TMEM120B: variants seen among roughly 807,000 people sequenced by gnomAD.
The protein encoded by TMEM120B is transmembrane protein 120B.
In TMEM120B, 31 loss-of-function variants were observed where a neutral mutation model predicts 55.5. The ratio of observed to expected loss-of-function variants is 0.56; its 90% CI spans 0.42 to 0.75. TMEM120B has a LOEUF of 0.75. Among genes scored for constraint, TMEM120B ranks in the 30% least tolerant of loss-of-function variants. The pLI, the probability that TMEM120B is intolerant of heterozygous loss-of-function variation, is 0.00. For synonymous variants in TMEM120B, 203 were observed against 176.3 expected, an observed-to-expected ratio of 1.15 and a Z score of -1.20; for missense variants, 399 against 425.5, an observed-to-expected ratio of 0.94 and a Z score of 0.55.
At chr12:121,768,692 G>C (rs1237161442) in intron 6 of TMEM120B, among the ~76,000 whole-genome samples, 1 of 152,212 alleles carries the variant, frequency 6.6e-6, no homozygotes, top group Admixed American at 6.5e-5. Context: ...GCTGCCATGT[G>C]TTTGGACTAG....
chr12:121,766,446 C>T (rs1043719946), intron 6 of TMEM120B, among the ~76,000 whole-genome samples: 3 of 152,176 alleles, frequency 2.0e-5, no homozygotes, highest in African/African-American at 7.2e-5. Context: ...GGCTCCAGCT[C>T]CCTGTTCTGT....
Position 121,781,305 on chromosome 12 carries a change from A to G in TMEM120B, c.*5583A>G, listed in dbSNP as rs1172587898. On this transcript the variant is annotated 3_prime_UTR_variant, in exon 12 of 12. Coordinates refer to ENST00000449592, the MANE Select transcript of TMEM120B (RefSeq NM_001080825.2). The stretch of plus-strand genomic sequence containing the variant: ...CCTGCCTTAGGGCCTCAATTTCCTC[A>G]TCTATACAATGGGCAGCAAGCCAGG... The G allele has an allele frequency of 1.2e-6, 1 of 868,526 alleles. No individual in the cohort carries two copies. Among genetic ancestry groups the G allele is most frequent in the South Asian group, 1.6e-5 (1 of 61,596 alleles). The allele number at this position is 868,526 out of a possible 1,614,324, so 53.8% of individuals were successfully genotyped here.
chr12:121,781,238 CTG>C lies in TMEM120B; in HGVS notation c.*5517_*5518del, dbSNP rs1308167442. On this transcript the variant is annotated 3_prime_UTR_variant, in exon 12 of 12. Transcript: ENST00000449592. Reference sequence around the variant, plus strand: ...GGGTCAGGGGACGTCCCCTCCCTGTCTGGACTCTGACGGGTGAAGGGGAAGGG... The same window carrying C: ...GGGTCAGGGGACGTCCCCTCCCTGTCGACTCTGACGGGTGAAGGGGAAGGG... 3.2e-6 allele frequency: 5 copies of C among 1,562,366 alleles called. No homozygotes were observed. The highest frequency in any genetic ancestry group is 4.4e-6 in the Non-Finnish European group (5 of 1,135,190).
chr12:121,738,409 C>G (rs191587395), intron 1 of TMEM120B, among the ~76,000 whole-genome samples: 2 of 152,258 alleles, frequency 1.3e-5, no homozygotes, highest in Non-Finnish European at 2.9e-5. Context: ...CTGGTCTTAT[C>G]TCTCCATGGC....
At chr12:121,771,650 G>C (rs1443395679) in intron 8 of TMEM120B, 101 bp downstream of exon 8, 1 of 1,243,582 alleles carries the variant, frequency 8.0e-7, no homozygotes, top group Non-Finnish European at 1.2e-6. Context: ...TGCCTGTGTG[G>C]CAGGGAGACC....
chr12:121,717,738 A>G (rs911924603), intron 1 of TMEM120B, among the ~76,000 whole-genome samples: 2 of 151,920 alleles, frequency 1.3e-5, no homozygotes, highest in African/African-American at 4.8e-5. Context: ...GCTCACCACA[A>G]CCTCCGCCTT....
intron 6 of TMEM120B, among the ~76,000 whole-genome samples, chr12:121,764,695 A>G (rs1307364588): frequency 6.6e-6 from 1 of 152,100 alleles, no homozygotes; most frequent in Non-Finnish European, 1.5e-5. Flanking sequence ...GCCTCTAGCA[A>G]TCATTAACAC....
Position 121,743,634 on chromosome 12 carries a change from G to A in TMEM120B, c.75G>A (p.Thr25=), listed in dbSNP as rs756652993. 3.0e-5 allele frequency: 49 copies of A among 1,612,936 alleles called. No individual in the cohort carries two copies. The highest frequency in any genetic ancestry group is 2.7e-4 in the Admixed American group (16 of 59,912). ...CCGGGTCCCCTGTTCTTCAGGAGAC[G>A]CACAGGATCTACAAGCAGAAGCTGG... ...LEGEFQELQE[T]HRIYKQKLEE... The change falls in exon 2 of 12, where the codon ACG becomes ACA. Residue 25 remains threonine (T), a synonymous_variant. Transcript: ENST00000449592.
intron 1 of TMEM120B, among the ~76,000 whole-genome samples, chr12:121,742,184 G>T (rs1380891615): frequency 1.3e-5 from 2 of 151,652 alleles, no homozygotes; most frequent in African/African-American, 4.8e-5. Context: ...TGTATTTTTA[G>T]TAGAGACAGG....
chr12:121,758,863 G>A lies in TMEM120B; in HGVS notation c.462-2786G>A, dbSNP rs549258159. On this transcript the variant is annotated intron_variant, in intron 5 of 11. Coordinates refer to ENST00000449592, the MANE Select transcript of TMEM120B (RefSeq NM_001080825.2). ...CGTTGTGGTCACCATAGAGGAGGACGGCCCAGCCCCGTGCTGTGGTCACCA... is the reference window on the plus strand; with the variant it reads ...CGTTGTGGTCACCATAGAGGAGGACAGCCCAGCCCCGTGCTGTGGTCACCA... 25 of 977,932 alleles carry A rather than the reference G, an allele frequency of 2.6e-5. No homozygotes were observed. The South Asian group carries it at 6.2e-4, about 24-fold the overall frequency. 60.6% of individuals were successfully genotyped at this position (977,932 alleles called of 1,614,324 possible).
At chr12:121,719,636 T>A (rs1894759260) in intron 1 of TMEM120B, among the ~76,000 whole-genome samples, 1 of 152,122 alleles carries the variant, frequency 6.6e-6, no homozygotes, top group Admixed American at 6.6e-5. Context: ...TGGACACTGC[T>A]TAAATTGCTA....
intron 1 of TMEM120B, among the ~76,000 whole-genome samples, chr12:121,733,446 A>G (rs896660618): frequency 4.6e-5 from 7 of 151,258 alleles, no homozygotes; most frequent in African/African-American, 1.7e-4. Flanking sequence ...GGGTTTCACC[A>G]TGTTAGCTAG....
chr12:121,765,461 C>G (rs1192978299), intron 6 of TMEM120B, among the ~76,000 whole-genome samples: 1 of 152,030 alleles, frequency 6.6e-6, no homozygotes, highest in Admixed American at 6.6e-5. Context: ...CCTTTTATGG[C>G]ATATATGGTT....
intron 7 of TMEM120B, 50 bp downstream of exon 7, chr12:121,771,022 G>T (rs777587616): frequency 1.3e-6 from 2 of 1,594,328 alleles, no homozygotes; most frequent in Non-Finnish European, 1.7e-6. Context: ...AGTAGAGCCT[G>T]GGGCCCGGGA....
At chr12:121,769,740 A>G (rs899598249) in intron 6 of TMEM120B, among the ~76,000 whole-genome samples, 2 of 52,730 alleles carry the variant, frequency 3.8e-5, no homozygotes, top group South Asian at 8.4e-4. Flanking sequence ...GTGTGTGTAC[A>G]TGCATGCTTA....
intron 9 of TMEM120B, 24 bp downstream of exon 9, chr12:121,773,537 A>C: frequency 6.4e-7 from 1 of 1,557,340 alleles, no homozygotes; most frequent in South Asian, 1.2e-5. Context: ...CCTGGGTTGG[A>C]GCCGGGGCAG....
chr12:121,734,636 G>A (rs775780359), intron 1 of TMEM120B, among the ~76,000 whole-genome samples: 29 of 151,980 alleles, frequency 1.9e-4, no homozygotes, highest in Non-Finnish European at 3.1e-4. Flanking sequence ...TGGACAGGCT[G>A]GGCATGGTGG....
At chr12:121,750,538 C>A in intron 4 of TMEM120B, 99 bp downstream of exon 4, 2 of 868,946 alleles carry the variant, frequency 2.3e-6, no homozygotes, top group South Asian at 1.5e-5. Context: ...CACCCCACAT[C>A]CACACCCACA....
At position 121,775,472 on chromosome 12, in the gene TMEM120B, T is replaced by C; in HGVS notation, c.907-137T>C. The C allele has an allele frequency of 6.9e-7, 1 of 1,447,950 alleles. No individual in the cohort carries two copies. Among genetic ancestry groups the C allele is most frequent in the Non-Finnish European group, 9.0e-7 (1 of 1,105,106 alleles). 89.7% of individuals were successfully genotyped at this position (1,447,950 alleles called of 1,614,324 possible). On this transcript the variant is annotated intron_variant, in intron 11 of 11. Coordinates refer to ENST00000449592, the MANE Select transcript of TMEM120B (RefSeq NM_001080825.2). The surrounding 1 kb of genome is among the most constrained non-coding windows in gnomAD (Gnocchi z 4.3). ...GGCCTCACCCTTCCCCCAGGTCTCC[T>C]GAATCTCTGCCTTCGATGGCAAAAC...
Sources: gnomAD v4.1 joint callset for allele counts (sites outside exome capture counted in the v4.1 genomes callset) on GRCh38, gnomAD v4.1.1 for gene constraint, Gnocchi (gnomAD v3.1) non-coding constraint, MANE v1.5 for transcripts, NCBI Gene and HGNC (gene_info 2026-07-23, HGNC 2026-07-21) for gene names.